The following RARS1 variants were observed in gnomAD, a reference collection of about 807,000 sequenced individuals.
RARS1 encodes the protein arginine--tRNA ligase, cytoplasmic.
Under a neutral mutation model 78.7 loss-of-function variants are expected in RARS1, and 75 were observed. The ratio of observed to expected loss-of-function variants is 0.95; its 90% confidence interval spans 0.79 to 1.15. The LOEUF (loss-of-function observed/expected upper bound fraction) is 1.15. Ranked by LOEUF, RARS1 falls within the 50% of genes most tolerant of loss-of-function variation. RARS1 has a pLI of 0.00. For synonymous variants in RARS1, 273 were observed against 268.2 expected (o/e 1.02, Z -0.18); for missense variants, 787 against 787.5 (o/e 1.00, Z 0.01).
intron 2 of RARS1, among the ~76,000 whole-genome samples, chr5:168,492,142 C>T (rs1758100187): frequency 6.6e-6 from 1 of 151,890 alleles, no homozygotes; most frequent in Non-Finnish European, 1.5e-5. Flanking sequence ...TGACTATATT[C>T]CATGGGAAAA....
Position 168,516,857 on chromosome 5 carries a change from A to G in RARS1, c.1532A>G (p.Asn511Ser), listed in dbSNP as rs201034289. ...ATCAAATATGCTGACCTTTCCCATA[A>G]CCGGTTGAATGACTACATCTTCTCC... ...GCIKYADLSH[N>S]RLNDYIFSFD... The change falls in exon 13 of 15, where the codon AAC becomes AGC. Residue 511 changes from asparagine (N) to serine (S), a missense_variant. Transcript: ENST00000231572. 2.2e-5 allele frequency: 35 copies of G among 1,613,998 alleles called. No homozygotes were observed. The highest frequency in any genetic ancestry group is 2.8e-5 in the Non-Finnish European group (33 of 1,180,000).
chr5:168,492,537 A>G, intron 2 of RARS1, 122 bp from the exon 3 acceptor site: 3 of 816,696 alleles, frequency 3.7e-6, no homozygotes, highest in Middle Eastern at 3.8e-4. Context: ...ATCACACCAT[A>G]AGTACGTTTT....
At chr5:168,493,404 T>G (rs1758123425) in intron 3 of RARS1, among the ~76,000 whole-genome samples, 1 of 152,108 alleles carries the variant, frequency 6.6e-6, no homozygotes, top group Non-Finnish European at 1.5e-5. Context: ...TTCTCAAGTG[T>G]GAATATTGCA....
At chr5:168,489,591 G>A (rs1758039482) in intron 2 of RARS1, among the ~76,000 whole-genome samples, 2 of 151,952 alleles carry the variant, frequency 1.3e-5, no homozygotes, top group South Asian at 4.2e-4. Flanking sequence ...TACCAATTTT[G>A]TTTTAAAAAA....
intron 11 of RARS1, 120 bp from the exon 12 acceptor site, chr5:168,510,461 C>A: frequency 2.7e-6 from 2 of 735,300 alleles, no homozygotes; most frequent in Non-Finnish European, 2.3e-6. Flanking sequence ...CAATATGTAC[C>A]TTAGAGATTT....
chr5:168,518,095 T>TTTTTTTTTTTTTG, intron 14 of RARS1, 33 bp downstream of exon 14: 1 of 1,338,148 alleles, frequency 7.5e-7, no homozygotes, highest in Non-Finnish European at 9.8e-7. Flanking sequence ...TTTTTTTTTT[T>TTTTTTTTTTTTTG]AGTGAGAGAC....
rs764620310 is a variant in RARS1, at chr5:168,497,247, T to A, written c.721T>A (p.Trp241Arg). 1.3e-6 allele frequency: 2 copies of A among 1,576,728 alleles called. No homozygotes were observed. The highest frequency in any genetic ancestry group is 2.4e-5 in the South Asian group (2 of 83,150). The change falls in exon 7 of 15, where the codon TGG (tryptophan) becomes AGG (arginine). Residue 241 changes from tryptophan (W) to arginine (R), a missense_variant. By Grantham distance (101) the Trp-to-Arg change is moderately radical. Coordinates refer to ENST00000231572, the MANE Select transcript of RARS1 (RefSeq NM_002887.4). ...DVLRLNHVGD[W>R]GTQFGMLIAH... ...TGTTAGGTTAAATCATGTAGGAGACTGGGGGACCCAGTTTGGCATGCTCAT... is the reference window on the plus strand; with the variant it reads ...TGTTAGGTTAAATCATGTAGGAGACAGGGGGACCCAGTTTGGCATGCTCAT...
At chr5:168,518,247 A>G (rs1758717740) in intron 14 of RARS1, among the ~76,000 whole-genome samples, 185 bp downstream of exon 14, 1 of 151,382 alleles carries the variant, frequency 6.6e-6, no homozygotes, top group Non-Finnish European at 1.5e-5. Flanking sequence ...CACTGCACCC[A>G]GCTCCAAGTG....
intron 7 of RARS1, 34 bp from the exon 8 acceptor site, chr5:168,500,557 C>T (rs950831408): frequency 1.4e-6 from 2 of 1,410,984 alleles, no homozygotes; most frequent in Non-Finnish European, 9.2e-7. Flanking sequence ...GATCTTTTTA[C>T]ACACCTTACT....
At chr5:168,503,683 C>G (rs1439934314) in intron 9 of RARS1, among the ~76,000 whole-genome samples, 2 of 151,946 alleles carry the variant, frequency 1.3e-5, no homozygotes, top group Non-Finnish European at 1.5e-5. Flanking sequence ...TGCCTCAGAC[C>G]TGAAATCAAC....
intron 11 of RARS1, among the ~76,000 whole-genome samples, chr5:168,507,443 C>T (rs1181370564): frequency 3.4e-4 from 52 of 152,114 alleles, no homozygotes; most frequent in Non-Finnish European, 1.0e-4. Context: ...CATGTTGTAA[C>T]CTCCTGTATT....
intron 2 of RARS1, among the ~76,000 whole-genome samples, chr5:168,491,711 A>G (rs1758088615): frequency 6.6e-6 from 1 of 152,162 alleles, no homozygotes; most frequent in African/African-American, 2.4e-5. Flanking sequence ...GCTCGATTTT[A>G]TTATGTAGAT....
chr5:168,489,445 C>T (rs1353324701), intron 2 of RARS1, among the ~76,000 whole-genome samples: 1 of 152,084 alleles, frequency 6.6e-6, no homozygotes, highest in African/African-American at 2.4e-5. Flanking sequence ...TTTTCTCTGC[C>T]CTAAGTTGGT....
chr5:168,492,578 T>C, intron 2 of RARS1, 81 bp from the exon 3 acceptor site: 1 of 1,222,790 alleles, frequency 8.2e-7, no homozygotes, highest in Non-Finnish European at 1.1e-6. Flanking sequence ...TTTGGAGGTT[T>C]ATACTCAAAA....
At chr5:168,504,785 A>G (rs1758403437) in intron 9 of RARS1, among the ~76,000 whole-genome samples, 2 of 151,874 alleles carry the variant, frequency 1.3e-5, no homozygotes, top group Non-Finnish European at 2.9e-5. Context: ...AGATCGCACC[A>G]CTGCACTCCA....
intron 9 of RARS1, 95 bp downstream of exon 9, chr5:168,502,200 C>T: frequency 6.8e-7 from 1 of 1,472,726 alleles, no homozygotes; most frequent in Non-Finnish European, 9.0e-7. Context: ...ATGTACTCAT[C>T]ATCCAATTTC....
At chr5:168,513,389 G>C (rs1381775838) in intron 12 of RARS1, among the ~76,000 whole-genome samples, 1 of 151,424 alleles carries the variant, frequency 6.6e-6, no homozygotes, top group East Asian at 1.9e-4. Flanking sequence ...GCACAATCTT[G>C]GCTCACTGCA....
At chr5:168,518,991 T>C in intron 14 of RARS1, 90 bp from the exon 15 acceptor site, 2 of 1,078,482 alleles carry the variant, frequency 1.9e-6, no homozygotes, top group Non-Finnish European at 2.7e-6. Context: ...TATGCACTTC[T>C]AACTAAAATT....
chr5:168,498,025 G>T (rs2432643), intron 7 of RARS1: 95,074 of 151,756 alleles, frequency 0.63, 30,482 homozygotes, highest in East Asian at 0.88. Context: ...TTCAGGAGTT[G>T]GAGACCAGCC....
Sources: allele counts gnomAD v4.1 joint callset (sites outside exome capture counted in the v4.1 genomes callset), GRCh38; gene constraint gnomAD v4.1.1; transcripts MANE v1.5; gene names NCBI Gene and HGNC (gene_info 2026-07-23, HGNC 2026-07-21).